KCNK9: variants seen among roughly 807,000 people sequenced by gnomAD.
The protein encoded by KCNK9 is potassium channel subfamily K member 9.
A neutral mutation model predicts 10.8 loss-of-function variants in KCNK9; 1 was observed. The ratio of observed to expected loss-of-function variants is 0.09; its 90% CI spans 0.03 to 0.44. The LOEUF (loss-of-function observed/expected upper bound fraction) is 0.44, where lower values mean the gene tolerates loss of function less well. KCNK9 is among the 20% of genes least tolerant of loss of function. The pLI is 0.97. For missense variants in KCNK9, 303 were observed against 515.0 expected (o/e 0.59, Z 3.98); for synonymous variants, 231 against 222.7 (o/e 1.04, Z -0.33).
intron 1 of KCNK9, among the ~76,000 whole-genome samples, chr8:139,673,489 C>A (rs1816484013): frequency 6.6e-6 from 1 of 152,184 alleles, no homozygotes; most frequent in Non-Finnish European, 1.5e-5. Flanking sequence ...GCGTGCAGCC[C>A]ACCCGTCCCC....
intron 1 of KCNK9, among the ~76,000 whole-genome samples, chr8:139,631,095 G>A (rs1002941996): frequency 7.9e-5 from 12 of 152,370 alleles, no homozygotes; most frequent in African/African-American, 2.9e-4. Context: ...CCGGGTGCGG[G>A]GTCGGCCGCC....
intron 1 of KCNK9, among the ~76,000 whole-genome samples, chr8:139,624,997 G>A (rs188777925): frequency 1.7e-4 from 26 of 152,318 alleles, no homozygotes; most frequent in Admixed American, 1.4e-3. Flanking sequence ...TTCCTCATCT[G>A]TGAAATGGGG....
At chr8:139,637,785 A>ACACACACACACACACAC (rs3032725) in intron 1 of KCNK9, among the ~76,000 whole-genome samples, 13 of 149,664 alleles carry the variant, frequency 8.7e-5, no homozygotes, top group South Asian at 4.3e-4. Context: ...ACACACACAC[A>ACACACACACACACACAC]ATAATAGTAA....
chr8:139,668,129 A>G (rs531233383), intron 1 of KCNK9, among the ~76,000 whole-genome samples: 1 of 152,266 alleles, frequency 6.6e-6, no homozygotes, highest in South Asian at 2.1e-4. Context: ...GTATTTTTCA[A>G]TTAAGGTATG....
At chr8:139,686,453 G>T (rs199654234) in intron 1 of KCNK9, among the ~76,000 whole-genome samples, 1 of 152,206 alleles carries the variant, frequency 6.6e-6, no homozygotes, top group Non-Finnish European at 1.5e-5. Flanking sequence ...AGTGGGCAAA[G>T]GATATGAACA....
intron 1 of KCNK9, among the ~76,000 whole-genome samples, chr8:139,674,731 C>A (rs1227878776): frequency 6.6e-6 from 1 of 152,180 alleles, no homozygotes; most frequent in Admixed American, 6.5e-5. Flanking sequence ...GTGACAGGGC[C>A]CAGGCTGTCA....
chr8:139,702,633 G>A lies in KCNK9; in HGVS notation c.283+77C>T, dbSNP rs1817256541. ...TTTAACCCTCGACGCCCTGCACCCA[G>A]CCCGGCGCGGCGCGCTCAGCCGCCT... is the stretch of plus-strand genomic sequence containing the variant. On this transcript the variant is annotated intron_variant, in intron 1 of 1. Coordinates refer to ENST00000520439, the MANE Select transcript of KCNK9 (RefSeq NM_001282534.2). The surrounding 1 kb of genome is among the most constrained non-coding windows in gnomAD (Gnocchi z 7.5). 1 of 1,466,902 alleles carries A rather than the reference G, an allele frequency of 6.8e-7. No homozygotes were observed. Among genetic ancestry groups the A allele is most frequent in the Non-Finnish European group, 9.1e-7 (1 of 1,093,418 alleles). The allele number at this position is 1,466,902 out of a possible 1,614,324, so 90.9% of individuals were successfully genotyped here. A position where few individuals can be genotyped will look rare whatever the true frequency, so the allele number is the denominator to read the frequency against.
chr8:139,684,151 C>A (rs1020278166), intron 1 of KCNK9, among the ~76,000 whole-genome samples: 1 of 152,198 alleles, frequency 6.6e-6, no homozygotes, highest in Non-Finnish European at 1.5e-5. Flanking sequence ...GCCCTGAGAA[C>A]TCCATGGCCC....
At chr8:139,633,134 C>G (rs1007982602) in intron 1 of KCNK9, among the ~76,000 whole-genome samples, 8 of 151,350 alleles carry the variant, frequency 5.3e-5, no homozygotes, top group African/African-American at 1.5e-4. Flanking sequence ...CACACAGGCA[C>G]TCAAACACAC....
chr8:139,629,070 C>A (rs966772142), intron 1 of KCNK9, among the ~76,000 whole-genome samples: 1 of 152,256 alleles, frequency 6.6e-6, no homozygotes, highest in African/African-American at 2.4e-5. Flanking sequence ...CCCATGGGCC[C>A]CAGTCCCTTC....
intron 1 of KCNK9, among the ~76,000 whole-genome samples, chr8:139,685,905 T>G (rs1447988030): frequency 6.6e-6 from 1 of 152,232 alleles, no homozygotes; most frequent in Non-Finnish European, 1.5e-5. Flanking sequence ...ACCAACAGTA[T>G]GAAAGTGTTC....
In KCNK9 at chr8:139,677,783, T is replaced by C. The variant is rs527725176; in HGVS notation, c.283+24927A>G. Among the ~76,000 whole-genome samples, 419 of 135,644 alleles carry C rather than the reference T, an allele frequency of 3.1e-3. 6 individuals are homozygous for C. Among genetic ancestry groups the C allele is most frequent in the African/African-American group, 0.012 (377 of 30,600 alleles). The allele number at this position is 135,644 out of a possible 152,430, so 89.0% of individuals were successfully genotyped here. ...CACATCTGATCCCAATGTGTCCCCATGGCTGCAGAGTAATACCTCACCTCC... is the reference window on the plus strand; with the variant it reads ...CACATCTGATCCCAATGTGTCCCCACGGCTGCAGAGTAATACCTCACCTCC... On this transcript the variant is annotated intron_variant, in intron 1 of 1. Coordinates refer to ENST00000520439, the MANE Select transcript of KCNK9 (RefSeq NM_001282534.2).
At chr8:139,611,600 T>A (rs1814425706), downstream of KCNK9, 1 of 152,266 alleles carries the variant, frequency 6.6e-6, no homozygotes, top group African/African-American at 2.4e-5. Context: ...GACATTCCCA[T>A]CACGGGGCCC....
chr8:139,623,567 T>C (rs992043731), intron 1 of KCNK9, among the ~76,000 whole-genome samples: 8 of 152,042 alleles, frequency 5.3e-5, no homozygotes, highest in Non-Finnish European at 1.5e-5. Context: ...CCTGGTTACC[T>C]CCTACCCCAC....
At chr8:139,604,862 T>C (rs549174953) in intron 2 of KCNK9, among the ~76,000 whole-genome samples, 1 of 152,186 alleles carries the variant, frequency 6.6e-6, no homozygotes, top group East Asian at 1.9e-4. Context: ...TGGCTTTGTG[T>C]GGCCAGGTTC....
intron 1 of KCNK9, among the ~76,000 whole-genome samples, chr8:139,625,391 C>A (rs991504549): frequency 6.6e-6 from 1 of 152,246 alleles, no homozygotes; most frequent in African/African-American, 2.4e-5. Context: ...GCCTGGGTCA[C>A]CTTGGGCCAG....
chr8:139,614,630 T>C (rs943983912), downstream of KCNK9, among the ~76,000 whole-genome samples: 1 of 152,162 alleles, frequency 6.6e-6, no homozygotes, highest in African/African-American at 2.4e-5. Flanking sequence ...ACCAAGTATC[T>C]CAAAACCCAG....
chr8:139,703,016 G>A lies in KCNK9; in HGVS notation c.-24C>T. Reference sequence around the variant, plus strand: ...ATGGCCGCCAGCAAGGAGCCGGCGCGGGGGGCATGTCCCGCAGGCTCACAG... The same window carrying A: ...ATGGCCGCCAGCAAGGAGCCGGCGCAGGGGGCATGTCCCGCAGGCTCACAG... On this transcript the variant is annotated 5_prime_UTR_variant, in exon 1 of 2. Transcript: ENST00000520439. The surrounding 1 kb of genome is among the most constrained non-coding windows in gnomAD (Gnocchi z 6.4). 1 of 1,544,826 alleles carries A rather than the reference G, an allele frequency of 6.5e-7. No homozygotes were observed. The highest frequency in any genetic ancestry group is 8.7e-7 in the Non-Finnish European group (1 of 1,148,326).
rs186204762 is a variant in KCNK9 at position 139,605,624 on chromosome 8, A to G, written c.*1-4023T>C. On this transcript the variant is annotated intron_variant, in intron 2 of 2. Transcript: ENST00000650269. Reference sequence around the variant, plus strand: ...TTTCTCAGTGAAGAAAGACCAAGATACATTTGTAAACGTGCCATAGAGATT... The same window carrying G: ...TTTCTCAGTGAAGAAAGACCAAGATGCATTTGTAAACGTGCCATAGAGATT... Among the ~76,000 whole-genome samples, 3 of 152,354 alleles carry G rather than the reference A, an allele frequency of 2.0e-5. No individual in the cohort carries two copies. The East Asian group carries it at 5.8e-4, about 29-fold the overall frequency.
Sources: allele counts gnomAD v4.1 joint callset (sites outside exome capture counted in the v4.1 genomes callset), GRCh38; gene constraint gnomAD v4.1.1; non-coding constraint Gnocchi (gnomAD v3.1); transcripts MANE v1.5; gene names NCBI Gene and HGNC (gene_info 2026-07-23, HGNC 2026-07-21).